The following VPS41 variants were observed in gnomAD, a reference collection of about 807,000 sequenced individuals.
The protein encoded by VPS41 is VPS41 subunit of HOPS complex.
In VPS41, 85 loss-of-function variants were observed where a neutral mutation model predicts 130.9. The observed-to-expected ratio is 0.65, with a 90% CI of 0.55 to 0.78. The LOEUF (loss-of-function observed/expected upper bound fraction) is 0.78, where lower values mean the gene tolerates loss of function less well. Among genes scored for constraint, VPS41 ranks in the 30% least tolerant of loss-of-function variants. The pLI is 0.00. For missense variants in VPS41, 874 were observed against 1,018.7 expected (o/e 0.86, Z 1.93); for synonymous variants, 335 against 332.9 (o/e 1.01, Z -0.07).
intron 1 of VPS41, among the ~76,000 whole-genome samples, chr7:38,908,523 ACTC>A (rs1225035566): frequency 6.6e-6 from 1 of 150,794 alleles, no homozygotes; most frequent in African/African-American, 2.4e-5. Context: ...TTGTGTATAA[ACTC>A]CTCTCTCCAT....
chr7:38,742,195 TA>T, intron 24 of VPS41, 74 bp from the exon 25 acceptor site: 4 of 1,397,792 alleles, frequency 2.9e-6, no homozygotes, highest in South Asian at 1.4e-5. Context: ...ATAATTTGCA[TA>T]TAATGCAATT....
At chr7:38,794,734 T>A (rs546378671) in intron 9 of VPS41, among the ~76,000 whole-genome samples, 19 of 152,358 alleles carry the variant, frequency 1.2e-4, no homozygotes, top group Admixed American at 4.6e-4. Context: ...ATGAGACTAC[T>A]GCTGGGATAC....
In VPS41 at chr7:38,765,404, AT is replaced by A. The variant is rs553462367; in HGVS notation, c.1329+175del. ...ATGTAATAAATATATAATCTTATAT[AT>A]TTTTTTTTACACGAGGCTTATATTT... On this transcript the variant is annotated intron_variant, in intron 16 of 28. Coordinates refer to ENST00000310301, the MANE Select transcript of VPS41 (RefSeq NM_014396.4). Among the ~76,000 whole-genome samples, 94 of 19,256 alleles carry A rather than the reference AT, an allele frequency of 4.9e-3. 2 individuals carry two copies. The South Asian group carries it at 0.049, about 10-fold the overall frequency. 12.6% of individuals were successfully genotyped at this position (19,256 alleles called of 152,430 possible).
chr7:38,884,464 A>T (rs1786677638), intron 2 of VPS41, among the ~76,000 whole-genome samples: 1 of 152,236 alleles, frequency 6.6e-6, no homozygotes, highest in African/African-American at 2.4e-5. Flanking sequence ...TTTAGGAGGC[A>T]TGCTTATTTA....
intron 1 of VPS41, among the ~76,000 whole-genome samples, chr7:38,906,436 C>T (rs1009638482): frequency 2.6e-5 from 4 of 152,024 alleles, no homozygotes; most frequent in African/African-American, 9.7e-5. Context: ...CCCCGACCCT[C>T]TTGACTCAAG....
intron 13 of VPS41, 44 bp downstream of exon 13, chr7:38,772,478 C>T (rs778009780): frequency 6.2e-6 from 8 of 1,292,770 alleles, no homozygotes; most frequent in Non-Finnish European, 8.9e-6. Flanking sequence ...TCTCTCTATG[C>T]TGTAGATGAG....
intron 7 of VPS41, among the ~76,000 whole-genome samples, chr7:38,813,669 T>A (rs1418354213): frequency 6.6e-6 from 1 of 152,198 alleles, no homozygotes; most frequent in Non-Finnish European, 1.5e-5. Flanking sequence ...ATACTAAGCC[T>A]TACATACAAT....
chr7:38,784,650 G>C (rs887950431), intron 10 of VPS41, among the ~76,000 whole-genome samples: 1 of 135,012 alleles, frequency 7.4e-6, no homozygotes, highest in East Asian at 2.7e-4. Flanking sequence ...AGGAGGGGGG[G>C]AGTTAGGGGG....
chr7:38,866,912 T>C (rs1786242009), intron 3 of VPS41, among the ~76,000 whole-genome samples: 1 of 152,136 alleles, frequency 6.6e-6, no homozygotes, highest in Non-Finnish European at 1.5e-5. Context: ...ATCAGCAAAA[T>C]GTCCATCAGC....
Position 38,878,124 on chromosome 7 carries a change from G to A in VPS41, c.61-8871C>T, listed in dbSNP as rs1034564351. Among the ~76,000 whole-genome samples, 17 of 152,198 alleles carry A rather than the reference G, an allele frequency of 1.1e-4. 4 individuals carry two copies. The highest frequency in any genetic ancestry group is 2.0e-4 in the Admixed American group (3 of 15,296). Reference sequence around the variant, plus strand: ...GGGAGTCCAGCCTTAAGCAGTGCAGGACCAAAGGACCTCTAATAGCAGGAA... The same window carrying A: ...GGGAGTCCAGCCTTAAGCAGTGCAGAACCAAAGGACCTCTAATAGCAGGAA... On this transcript the variant is annotated intron_variant, in intron 2 of 28. Coordinates refer to ENST00000310301, the MANE Select transcript of VPS41 (RefSeq NM_014396.4).
At chr7:38,881,561 G>A (rs1786609039) in intron 2 of VPS41, among the ~76,000 whole-genome samples, 1 of 152,168 alleles carries the variant, frequency 6.6e-6, no homozygotes, top group Non-Finnish European at 1.5e-5. Context: ...AAATGATGGT[G>A]AGCAAAAGAG....
chr7:38,908,041 T>A (rs770583075), intron 1 of VPS41, among the ~76,000 whole-genome samples: 10 of 152,204 alleles, frequency 6.6e-5, no homozygotes, highest in Admixed American at 1.3e-4. Flanking sequence ...AACGTCTCAA[T>A]TATTGGCATA....
intron 25 of VPS41, among the ~76,000 whole-genome samples, chr7:38,733,016 C>A (rs1795698471): frequency 6.6e-6 from 1 of 152,096 alleles, no homozygotes; most frequent in Non-Finnish European, 1.5e-5. Context: ...TTAGTACAGA[C>A]AGGTTTTCAC....
chr7:38,767,653 T>C, intron 14 of VPS41, 55 bp from the exon 15 acceptor site: 3 of 1,376,350 alleles, frequency 2.2e-6, no homozygotes, highest in Non-Finnish European at 3.1e-6. Context: ...ACTGAAAAGT[T>C]GAGTCTCGGT....
intron 4 of VPS41, among the ~76,000 whole-genome samples, chr7:38,831,897 C>T (rs554602595): frequency 6.6e-6 from 1 of 152,208 alleles, no homozygotes; most frequent in East Asian, 1.9e-4. Context: ...GAATGGAAAC[C>T]ATTTGTGCCA....
At chr7:38,779,242 T>C (rs1034659427) in intron 10 of VPS41, among the ~76,000 whole-genome samples, 3 of 152,202 alleles carry the variant, frequency 2.0e-5, no homozygotes, top group Admixed American at 6.5e-5. Context: ...AGAAAAGATG[T>C]GGTACATGAA....
intron 26 of VPS41, 25 bp downstream of exon 26, chr7:38,728,667 A>G (rs547881497): frequency 1.9e-6 from 3 of 1,613,922 alleles, no homozygotes; most frequent in Non-Finnish European, 2.5e-6. Context: ...ACGTGGTTCC[A>G]TATGATTATT....
chr7:38,803,941 A>T (rs1784786715), intron 7 of VPS41, among the ~76,000 whole-genome samples: 1 of 152,252 alleles, frequency 6.6e-6, no homozygotes, highest in Admixed American at 6.5e-5. Flanking sequence ...ACATGTGGGA[A>T]GAAAAAGAGA....
In VPS41 at chr7:38,795,468, G is replaced by C. The variant is rs978171635; in HGVS notation, c.714C>G (p.Val238=). ...TTATAAAGACAAGCAAAACCACCTT[G>C]ACAGAAGTCCCCCAGCCAATAATCA... is the stretch of plus-strand genomic sequence containing the variant. ...VTLIIGWGTS[V]KVCSVKERHA... is the part of the protein sequence containing the mutation. Residue 238 remains valine (V), a synonymous_variant, in exon 9 of 29, where the codon GTC becomes GTG. Transcript: ENST00000310301. 3 of 1,610,666 alleles carry C rather than the reference G, an allele frequency of 1.9e-6. No individual in the cohort carries two copies. In the East Asian group the frequency reaches 6.7e-5, roughly 36 times the overall value.
Sources: allele counts gnomAD v4.1 joint callset (sites outside exome capture counted in the v4.1 genomes callset), GRCh38; gene constraint gnomAD v4.1.1; transcripts MANE v1.5; gene names NCBI Gene and HGNC (gene_info 2026-07-23, HGNC 2026-07-21).